Variants in CADM2 observed in about 807,000 individuals in gnomAD.
The protein encoded by CADM2 is cell adhesion molecule 2.
CADM2 carries 12 observed loss-of-function variants against 49.8 expected under a neutral mutation model. The observed-to-expected ratio is 0.24, with a 90% CI of 0.15 to 0.39. The LOEUF (loss-of-function observed/expected upper bound fraction) is 0.39. CADM2 is among the 10% of genes least tolerant of loss of function. The probability of loss-of-function intolerance (pLI) is 1.00; values close to 1 mark genes in which losing one functional copy is unlikely to be tolerated. For missense variants in CADM2, 378 were observed against 492.3 expected, an observed-to-expected ratio of 0.77 and a Z score of 2.20; for synonymous variants, 214 against 175.4, an observed-to-expected ratio of 1.22 and a Z score of -1.74.
At chr3:85,875,233 A>G (rs191074282) in intron 3 of CADM2, among the ~76,000 whole-genome samples, 4 of 152,252 alleles carry the variant, frequency 2.6e-5, no homozygotes. Flanking sequence ...TGTCTGTAAT[A>G]CAAATCTTAT....
At chr3:85,305,609 A>G (rs2044194395) in intron 1 of CADM2, among the ~76,000 whole-genome samples, 2 of 151,814 alleles carry the variant, frequency 1.3e-5, no homozygotes, top group African/African-American at 4.8e-5. Context: ...TTAAATCTAT[A>G]TTGCAAAATG....
intron 1 of CADM2, among the ~76,000 whole-genome samples, chr3:85,386,972 C>A (rs2034264676): frequency 1.3e-5 from 2 of 152,134 alleles, no homozygotes; most frequent in Admixed American, 6.6e-5. Flanking sequence ...CCTAACTTTA[C>A]CCCACCATAT....
chr3:85,865,712 G>GTGTT (rs1444953147), intron 3 of CADM2, among the ~76,000 whole-genome samples: 1 of 152,204 alleles, frequency 6.6e-6, no homozygotes, highest in Non-Finnish European at 1.5e-5. Context: ...GATTGAAGCT[G>GTGTT]TGTTAAGTCA....
At chr3:85,155,257 A>G (rs1422768358) in intron 1 of CADM2, among the ~76,000 whole-genome samples, 2 of 148,380 alleles carry the variant, frequency 1.3e-5, no homozygotes, top group East Asian at 3.9e-4. Flanking sequence ...CTACCAAGCA[A>G]ATGGAAAACA....
chr3:85,404,030 AG>A (rs1559822509), intron 1 of CADM2, among the ~76,000 whole-genome samples: 1 of 152,174 alleles, frequency 6.6e-6, no homozygotes, highest in Non-Finnish European at 1.5e-5. Flanking sequence ...TATTATATGT[AG>A]ATATATGACA....
intron 5 of CADM2, 74 bp downstream of exon 5, chr3:85,886,401 A>T: frequency 1.7e-6 from 2 of 1,170,138 alleles, no homozygotes; most frequent in Non-Finnish European, 2.5e-6. Context: ...AAGGCATTTT[A>T]CATTATTTTT....
chr3:85,656,469 A>C (rs2107596936), intron 1 of CADM2, among the ~76,000 whole-genome samples: 1 of 152,134 alleles, frequency 6.6e-6, no homozygotes. Context: ...ACAAAAGATT[A>C]TCCAGGAGTG....
intron 6 of CADM2, among the ~76,000 whole-genome samples, chr3:85,924,818 C>A (rs1386432730): frequency 1.3e-5 from 2 of 152,190 alleles, no homozygotes; most frequent in African/African-American, 2.4e-5. Context: ...TTACCTGATA[C>A]AAACCCGCGA....
intron 2 of CADM2, among the ~76,000 whole-genome samples, chr3:85,762,586 G>C (rs911137753): frequency 1.1e-5 from 1 of 89,182 alleles, no homozygotes; most frequent in Non-Finnish European, 2.2e-5. Flanking sequence ...GTGAGCCACT[G>C]CACTACTCCT....
At chr3:85,516,031 G>T (rs2060894485) in intron 1 of CADM2, among the ~76,000 whole-genome samples, 1 of 152,086 alleles carries the variant, frequency 6.6e-6, no homozygotes, top group Non-Finnish European at 1.5e-5. Flanking sequence ...AAGTGATTAA[G>T]CATTTTAAAG....
intron 1 of CADM2, among the ~76,000 whole-genome samples, chr3:85,356,218 A>G (rs1009521009): frequency 2.0e-5 from 3 of 152,096 alleles, no homozygotes; most frequent in Admixed American, 1.3e-4. Context: ...GAATGTTCTA[A>G]TACTAGAGTA....
chr3:85,206,625 G>C (rs2041649376), intron 1 of CADM2, among the ~76,000 whole-genome samples: 1 of 151,918 alleles, frequency 6.6e-6, no homozygotes, highest in Non-Finnish European at 1.5e-5. Flanking sequence ...GTCATTCTAT[G>C]AGCTGATTTA....
intron 1 of CADM2, among the ~76,000 whole-genome samples, chr3:85,152,436 G>A (rs567958595): frequency 5.7e-4 from 86 of 152,194 alleles, no homozygotes; most frequent in Non-Finnish European, 7.4e-4. Context: ...TGACTGAGAC[G>A]ATTTCATTTT....
At chr3:85,638,358 C>A (rs1304514167) in intron 1 of CADM2, among the ~76,000 whole-genome samples, 1 of 152,042 alleles carries the variant, frequency 6.6e-6, no homozygotes, top group East Asian at 1.9e-4. Flanking sequence ...TTCCTAAATT[C>A]TTCTCTCAAA....
rs962055103 is a variant in CADM2 at position 85,423,968 on chromosome 3, C to T, written c.62-302554C>T. 3.9e-5 allele frequency among the ~76,000 whole-genome samples: 6 copies of T among 152,276 alleles called. No homozygotes were observed. The South Asian group carries it at 6.2e-4, about 16-fold the overall frequency. ...ACCTTCTTGAATCCTCTTTCAACCT[C>T]GTTCTTTCCTGTCCTTTGGCATCCG... On this transcript the variant is annotated intron_variant, in intron 1 of 9. Transcript: ENST00000383699.
intron 7 of CADM2, among the ~76,000 whole-genome samples, chr3:85,955,802 C>G (rs922229293): frequency 6.6e-6 from 1 of 151,260 alleles, no homozygotes; most frequent in Middle Eastern, 3.2e-3. Flanking sequence ...AACAAAACAC[C>G]GAGTTAATAG....
chr3:86,044,469 A>T (rs1172153844), intron 8 of CADM2, among the ~76,000 whole-genome samples: 3 of 152,260 alleles, frequency 2.0e-5, no homozygotes, highest in Non-Finnish European at 2.9e-5. Context: ...AATGCTCATC[A>T]TCACTGGCCA....
chr3:85,904,915 A>T (rs910636922), intron 5 of CADM2, among the ~76,000 whole-genome samples: 1 of 152,100 alleles, frequency 6.6e-6, no homozygotes, highest in Non-Finnish European at 1.5e-5. Context: ...TTTTGCCTCT[A>T]TAGGAGATGA....
At chr3:85,314,996 A>C (rs1254092620) in intron 1 of CADM2, among the ~76,000 whole-genome samples, 2 of 152,172 alleles carry the variant, frequency 1.3e-5, no homozygotes, top group Non-Finnish European at 2.9e-5. Flanking sequence ...GGAGGCTAGA[A>C]ATCCAATATC....
Sources: allele counts gnomAD v4.1 joint callset (sites outside exome capture counted in the v4.1 genomes callset), GRCh38; gene constraint gnomAD v4.1.1; transcripts MANE v1.5; gene names NCBI Gene and HGNC (gene_info 2026-07-23, HGNC 2026-07-21).